The following BCL7C variants were observed in gnomAD, a reference collection of about 807,000 sequenced individuals.
BCL7C encodes the protein BAF chromatin remodeling complex subunit BCL7C, also known as B-cell CLL/lymphoma 7 protein family member C.
Under a neutral mutation model 26.2 loss-of-function variants are expected in BCL7C, and 8 were observed. The observed-to-expected ratio is 0.30, with a 90% CI of 0.18 to 0.55. The LOEUF (loss-of-function observed/expected upper bound fraction) is 0.55, where lower values mean the gene tolerates loss of function less well. Among genes scored for constraint, BCL7C ranks in the 20% least tolerant of loss-of-function variants. The pLI is 0.93. For synonymous variants in BCL7C, 90 were observed against 116.5 expected (o/e 0.77, Z 1.47); for missense variants, 262 against 298.5 (o/e 0.88, Z 0.90).
Position 30,875,527 on chromosome 16 carries a change from T to C in BCL7C, c.528+13333A>G, listed in dbSNP as rs574501520. The C allele has an allele frequency of 8.3e-4, 127 of 152,340 alleles. 1 individual carries two copies. Among genetic ancestry groups the C allele is most frequent in the African/African-American group, 3.0e-3 (125 of 41,574 alleles). 9.4% of individuals were successfully genotyped at this position (152,340 alleles called of 1,614,324 possible). ...GGGCCTCTGGGTGCCGAGCTGCAGA[T>C]GCCTCCACTGCGAGCACAGCCCTGA... On this transcript the variant is annotated intron_variant, in intron 5 of 5. Coordinates refer to the BCL7C transcript ENST00000380317.
intron 5 of BCL7C, among the ~76,000 whole-genome samples, chr16:30,876,503 C>CTACT (rs2054952206): frequency 6.6e-6 from 1 of 152,132 alleles, no homozygotes; most frequent in Non-Finnish European, 1.5e-5. Flanking sequence ...TAATGAGCAC[C>CTACT]TACTGTATGC....
chr16:30,842,984 T>A (rs1428338213), intron 5 of BCL7C, among the ~76,000 whole-genome samples: 1 of 152,182 alleles, frequency 6.6e-6, no homozygotes, highest in Non-Finnish European at 1.5e-5. Flanking sequence ...TTGAAGTCTG[T>A]TTTTTAAAAA....
chr16:30,883,981 C>T (rs370276593), downstream of BCL7C, among the ~76,000 whole-genome samples: 15 of 150,784 alleles, frequency 9.9e-5, no homozygotes, highest in African/African-American at 3.4e-4. Flanking sequence ...AAAAATTAGC[C>T]GGGCGAGGTG....
intron 5 of BCL7C, among the ~76,000 whole-genome samples, chr16:30,840,235 T>TG (rs1385670782): frequency 6.7e-6 from 1 of 148,834 alleles, no homozygotes; most frequent in Non-Finnish European, 1.5e-5. Context: ...TTTTTTTTTT[T>TG]GAGACAGAGT....
intron 5 of BCL7C, among the ~76,000 whole-genome samples, chr16:30,873,177 T>C (rs1437597828): frequency 6.6e-6 from 1 of 152,156 alleles, no homozygotes; most frequent in Non-Finnish European, 1.5e-5. Context: ...ACCAAAACAA[T>C]GCTGTTCAGT....
intron 5 of BCL7C, among the ~76,000 whole-genome samples, chr16:30,865,554 G>A (rs2054818010): frequency 6.6e-6 from 1 of 151,806 alleles, no homozygotes; most frequent in Non-Finnish European, 1.5e-5. Flanking sequence ...GTCCAGCCCA[G>A]GTGACAGAAT....
intron 5 of BCL7C, among the ~76,000 whole-genome samples, chr16:30,850,245 A>AGAAATATG (rs1217949015): frequency 6.6e-6 from 1 of 151,940 alleles, no homozygotes; most frequent in East Asian, 1.9e-4. Context: ...AAAGAAAAAA[A>AGAAATATG]GAAATATGCC....
At chr16:30,875,391 C>T (rs1307703719) in intron 5 of BCL7C, 1 of 152,646 alleles carries the variant, frequency 6.6e-6, no homozygotes, top group African/African-American at 2.4e-5. Flanking sequence ...CGGAAGTCCG[C>T]CACCGGCCGC....
At chr16:30,879,314 C>T (rs1200557423) in intron 5 of BCL7C, among the ~76,000 whole-genome samples, 1 of 152,140 alleles carries the variant, frequency 6.6e-6, no homozygotes, top group Non-Finnish European at 1.5e-5. Flanking sequence ...GGCTGTCCAT[C>T]TCCCTGTGGT....
chr16:30,851,679 TA>T, intron 5 of BCL7C: 1 of 728,302 alleles, frequency 1.4e-6, no homozygotes, highest in Non-Finnish European at 2.3e-6. Context: ...TTCTCAGATG[TA>T]ATGGTTTCAC....
chr16:30,855,326 C>A (rs913717721), intron 5 of BCL7C, among the ~76,000 whole-genome samples: 1 of 151,918 alleles, frequency 6.6e-6, no homozygotes, highest in Non-Finnish European at 1.5e-5. Context: ...GCAAGCTCTA[C>A]CTCCTGGGTT....
chr16:30,887,048 C>T (rs2055143770), downstream of BCL7C, among the ~76,000 whole-genome samples: 1 of 152,166 alleles, frequency 6.6e-6, no homozygotes, highest in African/African-American at 2.4e-5. Flanking sequence ...GTGGCTCATG[C>T]CTGTAATCCC....
chr16:30,879,034 G>A (rs2054998713), intron 5 of BCL7C, among the ~76,000 whole-genome samples: 1 of 152,180 alleles, frequency 6.6e-6, no homozygotes, highest in African/African-American at 2.4e-5. Flanking sequence ...TCATTCTGTA[G>A]GAGGAACAGA....
Position 30,887,859 on chromosome 16 carries a change from G to A in BCL7C, c.*6C>T, listed in dbSNP as rs769594305. ...CCTGGGGCAACAGGACAGGCAGGCC[G>A]GCTTCTCAGGGGTCAGGGGCATTTG... is the stretch of plus-strand genomic sequence containing the variant. On this transcript the variant is annotated 3_prime_UTR_variant, in exon 6 of 6. Transcript: ENST00000215115. 2.6e-6 allele frequency: 4 copies of A among 1,567,196 alleles called. No individual in the cohort carries two copies. Among genetic ancestry groups the A allele is most frequent in the East Asian group, 2.4e-5 (1 of 40,954 alleles).
At chr16:30,840,594 C>G (rs1463261451) in intron 5 of BCL7C, 1 of 152,118 alleles carries the variant, frequency 6.6e-6, no homozygotes, top group Non-Finnish European at 1.5e-5. Context: ...TAAACATGGT[C>G]CAGAACTGAC....
intron 5 of BCL7C, among the ~76,000 whole-genome samples, chr16:30,842,072 C>T (rs773625895): frequency 1.3e-5 from 2 of 152,066 alleles, no homozygotes; most frequent in African/African-American, 4.8e-5. Flanking sequence ...GTGTTCACCC[C>T]CCTTTGTTCA....
At chr16:30,885,240 C>T (rs1200184640), downstream of BCL7C, among the ~76,000 whole-genome samples, 3 of 152,012 alleles carry the variant, frequency 2.0e-5, no homozygotes, top group Admixed American at 6.6e-5. Flanking sequence ...GAAGATGTGA[C>T]GATGGAGAGA....
chr16:30,877,112 A>G (rs887158179), intron 5 of BCL7C, among the ~76,000 whole-genome samples: 1 of 152,090 alleles, frequency 6.6e-6, no homozygotes, highest in African/African-American at 2.4e-5. Flanking sequence ...AGGGAGCGGT[A>G]GGGATTGCGG....
chr16:30,872,305 T>C (rs1278550337), intron 5 of BCL7C, among the ~76,000 whole-genome samples: 1 of 152,086 alleles, frequency 6.6e-6, no homozygotes, highest in Non-Finnish European at 1.5e-5. Context: ...TCCAGAAACA[T>C]GGGACCCTAT....
Sources: allele counts gnomAD v4.1 joint callset (sites outside exome capture counted in the v4.1 genomes callset), GRCh38; gene constraint gnomAD v4.1.1; transcripts MANE v1.5; gene names NCBI Gene and HGNC (gene_info 2026-07-23, HGNC 2026-07-21).